The following RARA variants were observed in gnomAD, a reference collection of about 807,000 sequenced individuals.
RARA encodes PML-DDX5-RARA fusion.
Under a neutral mutation model 42.8 loss-of-function variants are expected in RARA, and 5 were observed. The observed-to-expected ratio is 0.12, with a 90% CI of 0.06 to 0.25. The LOEUF (loss-of-function observed/expected upper bound fraction) is 0.25, where lower values mean the gene tolerates loss of function less well. Among genes scored for constraint, RARA ranks in the 10% least tolerant of loss-of-function variants. The pLI is 1.00. For synonymous variants in RARA, 256 were observed against 259.5 expected, an observed-to-expected ratio of 0.99 and a Z score of 0.13; for missense variants, 402 against 628.7, an observed-to-expected ratio of 0.64 and a Z score of 3.86.
chr17:40,331,968 G>A (rs2033705688), intron 2 of RARA, among the ~76,000 whole-genome samples: 1 of 152,218 alleles, frequency 6.6e-6, no homozygotes, highest in Admixed American at 6.5e-5. Context: ...CTAGCTGGGT[G>A]GATAGGGTGA....
In RARA at chr17:40,331,186, TGTC is replaced by T; in HGVS notation, c.-32_-30del. ...AGCCCACCAGAGCCCCCTGCCAGAC[TGTC>T]TGCCTCCCTTCTGACTGTGGCCGCT... On this transcript the variant is annotated 5_prime_UTR_variant, in exon 2 of 9. Transcript: ENST00000254066. 5 of 1,575,818 alleles carry T rather than the reference TGTC, an allele frequency of 3.2e-6. No homozygotes were observed. The highest frequency in any genetic ancestry group is 4.3e-6 in the Non-Finnish European group (5 of 1,161,778).
In RARA at chr17:40,331,208, G is replaced by A. The variant is rs1344492298; in HGVS notation, c.-11G>A. Reference sequence around the variant, plus strand: ...GACTGTCTGCCTCCCTTCTGACTGTGGCCGCTTGGCATGGCCAGCAACAGC... The same window carrying A: ...GACTGTCTGCCTCCCTTCTGACTGTAGCCGCTTGGCATGGCCAGCAACAGC... On this transcript the variant is annotated 5_prime_UTR_variant, in exon 2 of 9. Transcript: ENST00000254066. 1 of 1,605,410 alleles carries A rather than the reference G, an allele frequency of 6.2e-7. No homozygotes were observed. The highest frequency in any genetic ancestry group is 1.7e-4 in the Middle Eastern group (1 of 5,874).
In RARA at chr17:40,320,615, G is replaced by A. The variant is rs2033347891; in HGVS notation, c.-362-10242G>A. On this transcript the variant is annotated intron_variant, in intron 1 of 8. Transcript: ENST00000254066. This position sits in a 1 kb window ranked among gnomAD's most constrained non-coding sequence, Gnocchi z 4.1. ...TTGCTCAGACTCCAGTCTCAGGTGG[G>A]ATGGTCCTCAGAACCGTGTGATGTG... Among the ~76,000 whole-genome samples the A allele has an allele frequency of 6.6e-6, 1 of 152,178 alleles. No individual in the cohort carries two copies. The highest frequency in any genetic ancestry group is 1.5e-5 in the Non-Finnish European group (1 of 68,040).
At chr17:40,347,411 C>T (rs2034302981) in intron 2 of RARA, among the ~76,000 whole-genome samples, 1 of 152,172 alleles carries the variant, frequency 6.6e-6, no homozygotes, top group Non-Finnish European at 1.5e-5. Context: ...CCCAACCCAG[C>T]CCTGTTCTGC....
rs900816555 is a variant in RARA, at chr17:40,352,179, C to T, written c.630+109C>T. On this transcript the variant is annotated intron_variant, in intron 5 of 8. Coordinates refer to ENST00000254066, the MANE Select transcript of RARA (RefSeq NM_000964.4). This position sits in a 1 kb window ranked among gnomAD's most constrained non-coding sequence, Gnocchi z 4.9. ...TGCCAGGCAAGATCTCTGCGTCCTT[C>T]CCTTCCCCTCTCTTCTCCCTCCTCC... 6 of 1,480,616 alleles carry T rather than the reference C, an allele frequency of 4.1e-6. No individual in the cohort carries two copies. Among genetic ancestry groups the T allele is most frequent in the African/African-American group, 1.4e-5 (1 of 70,902 alleles). The allele number at this position is 1,480,616 out of a possible 1,614,324, so 91.7% of individuals were successfully genotyped here.
chr17:40,356,174 C>CCAGCCT lies in RARA; in HGVS notation c.1343_1348dup (p.Leu448_Ser449dup). The CCAGCCT allele has an allele frequency of 7.7e-6, 12 of 1,551,116 alleles. 3 individuals are homozygous for CCAGCCT. The Admixed American group carries it at 2.4e-4, about 30-fold the overall frequency. On this transcript the variant is annotated inframe_insertion, in exon 9 of 9. Coordinates refer to ENST00000254066, the MANE Select transcript of RARA (RefSeq NM_000964.4). ...GCCCCCCCGCCAGGCAGCTGTAGCC[C>CCAGCCT]CAGCCTCAGCCCCAGCTCCAACAGA... is the stretch of plus-strand genomic sequence containing the variant.
intron 2 of RARA, chr17:40,342,889 T>C (rs554749305): frequency 1.9e-6 from 3 of 1,603,434 alleles, no homozygotes; most frequent in Middle Eastern, 1.7e-4. Context: ...CCTCTCAGTC[T>C]GCTGTTGTAG....
intron 2 of RARA, chr17:40,341,324 C>G: frequency 2.9e-6 from 4 of 1,398,040 alleles, no homozygotes; most frequent in Non-Finnish European, 3.7e-6. Flanking sequence ...GGAGGGCCCC[C>G]TCTGCCTGTG....
Position 40,320,283 on chromosome 17 carries a change from C to T in RARA, c.-362-10574C>T, listed in dbSNP as rs374611809. Among the ~76,000 whole-genome samples the T allele has an allele frequency of 6.6e-6, 1 of 152,074 alleles. No individual in the cohort carries two copies. The highest frequency in any genetic ancestry group is 2.4e-5 in the African/African-American group (1 of 41,376). ...TGACCCTAAATGCACCGGCTGCCAC[C>T]CTGGGACACCTTTTTAGTCCCCTTC... On this transcript the variant is annotated intron_variant, in intron 1 of 8. Transcript: ENST00000254066. This position sits in a 1 kb window ranked among gnomAD's most constrained non-coding sequence, Gnocchi z 4.1.
intron 2 of RARA, among the ~76,000 whole-genome samples, chr17:40,336,738 C>T (rs1041252865): frequency 9.2e-5 from 14 of 151,520 alleles, no homozygotes; most frequent in Admixed American, 4.6e-4. Flanking sequence ...TTCTGTCACC[C>T]GGGCTGGAGT....
At chr17:40,341,811 G>C in intron 2 of RARA, 1 of 1,181,920 alleles carries the variant, frequency 8.5e-7, no homozygotes, top group East Asian at 3.2e-5. Context: ...CAAACCTTGG[G>C]GGAGCCTGGG....
At chr17:40,316,559 CAAGG>C (rs2033217677) in intron 1 of RARA, among the ~76,000 whole-genome samples, 1 of 152,306 alleles carries the variant, frequency 6.6e-6, no homozygotes, top group Admixed American at 6.5e-5. Context: ...CCTCCAGCCT[CAAGG>C]AAGGAAGACA....
intron 1 of RARA, among the ~76,000 whole-genome samples, chr17:40,312,317 T>C (rs1177792913): frequency 6.6e-6 from 1 of 152,132 alleles, no homozygotes; most frequent in East Asian, 1.9e-4. Flanking sequence ...GGCCTCCCCC[T>C]AGGAAAGGGG....
chr17:40,343,110 C>A, intron 2 of RARA: 1 of 632,486 alleles, frequency 1.6e-6, no homozygotes, highest in Non-Finnish European at 2.3e-6. Context: ...TTTCAAGCAA[C>A]ATTCCTTCAT....
In RARA at chr17:40,351,120, C is replaced by A. The variant is rs1166209877; in HGVS notation, c.470-790C>A. Among the ~76,000 whole-genome samples the A allele has an allele frequency of 1.3e-5, 2 of 151,352 alleles. No individual in the cohort carries two copies. The highest frequency in any genetic ancestry group is 6.6e-5 in the Admixed American group (1 of 15,200). On this transcript the variant is annotated intron_variant, in intron 4 of 8. Coordinates refer to ENST00000254066, the MANE Select transcript of RARA (RefSeq NM_000964.4). This position sits in a 1 kb window ranked among gnomAD's most constrained non-coding sequence, Gnocchi z 4.1. ...CTGCAATTTTCTCTTCCCAAATTAT[C>A]CCCCCACTCTCCCTCTCCCTCTCCC...
At chr17:40,353,683 T>C (rs2034524207) in intron 6 of RARA, among the ~76,000 whole-genome samples, 1 of 152,216 alleles carries the variant, frequency 6.6e-6, no homozygotes, top group Admixed American at 6.5e-5. Flanking sequence ...CTCGAACTCC[T>C]GACCTCAGGT....
chr17:40,347,472 GGCTGCCCCT>G (rs1266303553), intron 2 of RARA, among the ~76,000 whole-genome samples: 1 of 152,188 alleles, frequency 6.6e-6, no homozygotes, highest in Non-Finnish European at 1.5e-5. Flanking sequence ...GGCCAGTGAG[GGCTGCCCCT>G]GCTGTCTGGG....
chr17:40,356,187 C>G lies in RARA; in HGVS notation c.1350C>G (p.Pro450=). Reference sequence around the variant, plus strand: ...GCAGCTGTAGCCCCAGCCTCAGCCCCAGCTCCAACAGAAGCAGCCCGGCCA... The same window carrying G: ...GCAGCTGTAGCCCCAGCCTCAGCCCGAGCTCCAACAGAAGCAGCCCGGCCA... ...PPGSCSPSLS[P]SSNRSSPATH... Residue 450 remains proline (P), a synonymous_variant, in exon 9 of 9, where the codon CCC becomes CCG. Transcript: ENST00000254066. The G allele has an allele frequency of 6.4e-7, 1 of 1,550,638 alleles. No homozygotes were observed. Among genetic ancestry groups the G allele is most frequent in the Non-Finnish European group, 8.7e-7 (1 of 1,147,174 alleles).
At chr17:40,313,238 C>T (rs2033130076) in intron 1 of RARA, among the ~76,000 whole-genome samples, 1 of 152,148 alleles carries the variant, frequency 6.6e-6, no homozygotes, top group Non-Finnish European at 1.5e-5. Flanking sequence ...CTGCCCTGCC[C>T]AGGACCTGTG....
Sources: gnomAD v4.1 joint callset for allele counts (sites outside exome capture counted in the v4.1 genomes callset) on GRCh38, gnomAD v4.1.1 for gene constraint, Gnocchi (gnomAD v3.1) non-coding constraint, MANE v1.5 for transcripts, NCBI Gene and HGNC (gene_info 2026-07-23, HGNC 2026-07-21) for gene names.